ZNF274: variants seen among roughly 807,000 people sequenced by gnomAD.
The protein encoded by ZNF274 is neurotrophin receptor-interacting factor homolog.
In ZNF274, 23 loss-of-function variants were observed where a neutral mutation model predicts 42.5. The ratio of observed to expected loss-of-function variants is 0.54; its 90% CI spans 0.39 to 0.77. The LOEUF (loss-of-function observed/expected upper bound fraction) is 0.77. Among genes scored for constraint, ZNF274 ranks in the 30% least tolerant of loss-of-function variants. The pLI is 0.00. For synonymous variants in ZNF274, 292 were observed against 305.4 expected (o/e 0.96, Z 0.46); for missense variants, 679 against 806.5 (o/e 0.84, Z 1.91).
In ZNF274 at chr19:58,208,089, A is replaced by C. The variant is rs965799683; in HGVS notation, c.739+887A>C. 7 of 152,268 alleles carry C rather than the reference A, an allele frequency of 4.6e-5. No individual in the cohort carries two copies. The highest frequency in any genetic ancestry group is 1.7e-4 in the African/African-American group (7 of 41,440). 9.4% of individuals were successfully genotyped at this position (152,268 alleles called of 1,614,324 possible). ...GTGTATTTGGGAATAAGACTGCAAGACTTGGTTTCTTCATCAGGCTGAGTT... is the reference window on the plus strand; with the variant it reads ...GTGTATTTGGGAATAAGACTGCAAGCCTTGGTTTCTTCATCAGGCTGAGTT... On this transcript the variant is annotated intron_variant, in intron 5 of 7. Coordinates refer to ENST00000617501, the MANE Select transcript of ZNF274 (RefSeq NM_133502.3). This position sits in a 1 kb window ranked among gnomAD's most constrained non-coding sequence, Gnocchi z 4.5.
chr19:58,184,858 C>A (rs560796626), intron 2 of ZNF274: 1 of 149,774 alleles, frequency 6.7e-6, no homozygotes, highest in East Asian at 2.0e-4. Context: ...TGGCTCACGT[C>A]TGTAATCCCA....
chr19:58,205,511 C>CT (rs1364554003), intron 4 of ZNF274, among the ~76,000 whole-genome samples: 1 of 152,076 alleles, frequency 6.6e-6, no homozygotes, highest in Non-Finnish European at 1.5e-5. Flanking sequence ...TTAATTTAAA[C>CT]TTTTTTAGAG....
rs968755565 is a variant in ZNF274, at chr19:58,186,960, C to T, written c.174C>T (p.Ser58=). 7 of 1,613,490 alleles carry T rather than the reference C, an allele frequency of 4.3e-6. No homozygotes were observed. In the African/African-American group the frequency reaches 6.7e-5, roughly 15 times the overall value. Residue 58 remains serine (S), a synonymous_variant, in exon 4 of 8, where the codon TCC becomes TCT. Coordinates refer to ENST00000617501, the MANE Select transcript of ZNF274 (RefSeq NM_133502.3). ...RNLVSVEHQL[S]KPDVVSQLEE... is the part of the protein sequence containing the mutation. Reference sequence around the variant, plus strand: ...TCCTTTGAGCAGAACATCAGCTTTCCAAACCAGATGTGGTATCTCAGTTAG... The same window carrying T: ...TCCTTTGAGCAGAACATCAGCTTTCTAAACCAGATGTGGTATCTCAGTTAG...
intron 4 of ZNF274, among the ~76,000 whole-genome samples, chr19:58,198,719 G>A (rs532551786): frequency 5.9e-5 from 9 of 151,782 alleles, no homozygotes; most frequent in Non-Finnish European, 1.2e-4. Flanking sequence ...TTGAGTGTAG[G>A]AATGAACAAA....
intron 4 of ZNF274, among the ~76,000 whole-genome samples, chr19:58,200,046 A>C (rs560069225): frequency 1.3e-5 from 2 of 152,312 alleles, no homozygotes; most frequent in East Asian, 1.9e-4. Flanking sequence ...GGCTGAGAAG[A>C]AGCAAGTGGG....
At chr19:58,203,995 C>T (rs1449729859) in intron 4 of ZNF274, among the ~76,000 whole-genome samples, 1 of 152,202 alleles carries the variant, frequency 6.6e-6, no homozygotes, top group Non-Finnish European at 1.5e-5. Context: ...GGAGCTGACT[C>T]CCTGGGCCCG....
chr19:58,213,150 A>AGC lies in ZNF274; in HGVS notation c.*8_*9dup. 1 of 1,594,936 alleles carries AGC rather than the reference A, an allele frequency of 6.3e-7. No individual in the cohort carries two copies. The highest frequency in any genetic ancestry group is 8.5e-7 in the Non-Finnish European group (1 of 1,169,870). ...GAAACAGCCTACCTCATAGCTCTCA[A>AGC]GCCAGTTGAAGAAACCTTGCCTTTT... On this transcript the variant is annotated 3_prime_UTR_variant, in exon 8 of 8. Coordinates refer to ENST00000617501, the MANE Select transcript of ZNF274 (RefSeq NM_133502.3).
Position 58,206,989 on chromosome 19 carries a change from CG to C in ZNF274, c.529del (p.Glu177ArgfsTer34). On this transcript the variant is annotated frameshift_variant, in exon 5 of 8. Transcript: ENST00000617501. LOFTEE classifies it high-confidence loss of function. ...QFRYKDMTGP[R>X]EALDQLRELC... ...CCGTTATAAGGACATGACAGGTCCC[CG>C]GGAGGCCCTGGACCAGCTCCGAGAG... 1 of 1,609,490 alleles carries C rather than the reference CG, an allele frequency of 6.2e-7. No homozygotes were observed. The highest frequency in any genetic ancestry group is 1.1e-5 in the South Asian group (1 of 90,414).
At chr19:58,191,437 C>G (rs1428228795) in intron 4 of ZNF274, among the ~76,000 whole-genome samples, 1 of 152,130 alleles carries the variant, frequency 6.6e-6, no homozygotes, top group African/African-American at 2.4e-5. Flanking sequence ...GCCCCCGGCC[C>G]AGCCTCCTGA....
At position 58,183,095 on chromosome 19, in the gene ZNF274, C is replaced by T. The variant is rs757500934; in HGVS notation, c.-393C>T. ...CTTCCGGCCTGACCCCTGTCCAGCG[C>T]CTTTCCTTTCTCCAGCTTCTGCTCT... On this transcript the variant is annotated 5_prime_UTR_variant, in exon 1 of 8. Transcript: ENST00000617501. 2.0e-5 allele frequency: 3 copies of T among 152,598 alleles called. No individual in the cohort carries two copies. Among genetic ancestry groups the T allele is most frequent in the African/African-American group, 4.8e-5 (2 of 41,444 alleles). The allele number at this position is 152,598 out of a possible 1,614,324, so 9.5% of individuals were successfully genotyped here. A position where few individuals can be genotyped will look rare whatever the true frequency, so the allele number is the denominator to read the frequency against.
At position 58,212,022 on chromosome 19, in the gene ZNF274, GTC is replaced by G. The variant is rs2076046323; in HGVS notation, c.980-132_980-131del. 1 of 1,046,784 alleles carries G rather than the reference GTC, an allele frequency of 9.6e-7. No individual in the cohort carries two copies. The highest frequency in any genetic ancestry group is 1.4e-6 in the Non-Finnish European group (1 of 735,394). 64.8% of individuals were successfully genotyped at this position (1,046,784 alleles called of 1,614,324 possible). A position where few individuals can be genotyped will look rare whatever the true frequency, so the allele number is the denominator to read the frequency against. ...CTCCCTGCCGCTTCATTGCTTTTCAGTCTCTCTCCAGGTTGCATGACTCTATT... is the reference window on the plus strand; with the variant it reads ...CTCCCTGCCGCTTCATTGCTTTTCAGTCTCTCCAGGTTGCATGACTCTATT... On this transcript the variant is annotated intron_variant, in intron 7 of 7. Coordinates refer to ENST00000617501, the MANE Select transcript of ZNF274 (RefSeq NM_133502.3). The surrounding 1 kb of genome is among the most constrained non-coding windows in gnomAD (Gnocchi z 4.6).
rs375698657 is a variant in ZNF274 at position 58,185,833 on chromosome 19, C to T, written c.155C>T (p.Ser52Leu). 309 of 1,381,152 alleles carry T rather than the reference C, an allele frequency of 2.2e-4. No individual in the cohort carries two copies. Among genetic ancestry groups the T allele is most frequent in the Non-Finnish European group, 2.7e-4 (282 of 1,056,572 alleles). The allele number at this position is 1,381,152 out of a possible 1,614,324, so 85.6% of individuals were successfully genotyped here. The change falls in exon 3 of 8, where the codon TCA becomes TTA. Residue 52 changes from serine (S) to leucine (L), a missense_variant. Ser to Leu is a moderately radical substitution (Grantham distance 145). Transcript: ENST00000617501. ...CTGGAGAACTACAGGAACCTGGTCT[C>T]AGTGGGTAAGGCTGGCCTCCAGGTC... ...VMLENYRNLV[S>L]VEHQLSKPDV... is the part of the protein sequence containing the mutation.
intron 1 of ZNF274, 59 bp downstream of exon 1, chr19:58,183,501 T>A (rs1054017389): frequency 1.3e-5 from 2 of 159,774 alleles, no homozygotes; most frequent in African/African-American, 4.8e-5. Context: ...TCCAGAACCG[T>A]TAGTTGGGGG....
chr19:58,186,022 C>T (rs978390801), intron 3 of ZNF274, 184 bp downstream of exon 3: 5 of 404,702 alleles, frequency 1.2e-5, no homozygotes, highest in Non-Finnish European at 2.1e-5. Flanking sequence ...ATGGGTCTGT[C>T]AGGGATGTTT....
At chr19:58,204,554 C>T (rs1421583915) in intron 4 of ZNF274, among the ~76,000 whole-genome samples, 2 of 152,106 alleles carry the variant, frequency 1.3e-5, no homozygotes, top group African/African-American at 4.8e-5. Context: ...AGGCGGCTTC[C>T]GGGCTCTGAA....
intron 4 of ZNF274, among the ~76,000 whole-genome samples, chr19:58,203,285 C>A (rs1377616353): frequency 6.6e-6 from 1 of 152,090 alleles, no homozygotes; most frequent in Non-Finnish European, 1.5e-5. Flanking sequence ...AAATTCAAGC[C>A]TTAAGAGCTG....
chr19:58,186,845 G>GGCCTAGAGCCTTCTCT, intron 3 of ZNF274, 102 bp from the exon 4 acceptor site: 1 of 950,978 alleles, frequency 1.1e-6, no homozygotes, highest in Non-Finnish European at 1.6e-6. Flanking sequence ...GAAGTCATGT[G>GGCCTAGAGCCTTCTCT]CCTTAGCAGG....
chr19:58,202,868 G>T (rs12151036), intron 4 of ZNF274, among the ~76,000 whole-genome samples: 28,402 of 152,066 alleles, frequency 0.19, 2,804 homozygotes, highest in Non-Finnish European at 0.2. Context: ...GTTCACTGTG[G>T]TGTCCTTGGT....
At chr19:58,193,071 A>G (rs2075796883) in intron 4 of ZNF274, among the ~76,000 whole-genome samples, 1 of 151,662 alleles carries the variant, frequency 6.6e-6, no homozygotes, top group Non-Finnish European at 1.5e-5. Flanking sequence ...TTTTCAATCC[A>G]GAGTTTGTTG....
Sources: allele counts gnomAD v4.1 joint callset (sites outside exome capture counted in the v4.1 genomes callset), GRCh38; gene constraint gnomAD v4.1.1; non-coding constraint Gnocchi (gnomAD v3.1); transcripts MANE v1.5; gene names NCBI Gene and HGNC (gene_info 2026-07-23, HGNC 2026-07-21).